Variants in UBE3D observed in about 807,000 individuals in gnomAD.
UBE3D encodes E3 ubiquitin-protein ligase E3D.
UBE3D carries 48 observed loss-of-function variants against 49.6 expected under a neutral mutation model. The observed-to-expected ratio is 0.97, with a 90% CI of 0.77 to 1.23. UBE3D has a LOEUF of 1.23. Among genes scored for constraint, UBE3D ranks in the 50% most tolerant of loss-of-function variants. The probability of loss-of-function intolerance (pLI) is 0.00; values close to 1 mark genes in which losing one functional copy is unlikely to be tolerated. For missense variants in UBE3D, 452 were observed against 468.4 expected, an observed-to-expected ratio of 0.96 and a Z score of 0.32; for synonymous variants, 189 against 174.2, an observed-to-expected ratio of 1.08 and a Z score of -0.67.
chr6:83,044,973 T>C (rs1249832559), intron 3 of UBE3D, among the ~76,000 whole-genome samples: 2 of 152,204 alleles, frequency 1.3e-5, no homozygotes, highest in African/African-American at 4.8e-5. Context: ...TGAATAAACA[T>C]ACTATATCTT....
intron 9 of UBE3D, among the ~76,000 whole-genome samples, chr6:82,921,001 G>C (rs1157762983): frequency 6.7e-6 from 1 of 150,320 alleles, no homozygotes; most frequent in Admixed American, 6.6e-5. Context: ...GGATACCCAG[G>C]CTGGAGTGTA....
intron 9 of UBE3D, among the ~76,000 whole-genome samples, chr6:82,956,761 A>G (rs12201727): frequency 0.14 from 20,658 of 152,218 alleles, 1,434 homozygotes; most frequent in South Asian, 0.16. Flanking sequence ...GGAGTTATAC[A>G]GCTGTGAGTT....
chr6:82,958,080 C>T (rs2127775001), intron 8 of UBE3D, among the ~76,000 whole-genome samples: 1 of 152,262 alleles, frequency 6.6e-6, no homozygotes, highest in East Asian at 1.9e-4. Flanking sequence ...CTGCTATATC[C>T]TGCGGAACCT....
Position 83,022,450 on chromosome 6 carries a change from T to G in UBE3D, c.846+3A>C. 6.4e-7 allele frequency: 1 copy of G among 1,557,074 alleles called. No homozygotes were observed. On this transcript the variant is annotated splice_donor_region_variant and intron_variant, in intron 7 of 9. Transcript: ENST00000369747. ...CAAAAAGCTGGATAAAATAATTTCT[T>G]ACCAAGATATACACTTTGTCATCCT...
At chr6:83,042,834 A>G (rs1440293429) in intron 4 of UBE3D, among the ~76,000 whole-genome samples, 1 of 152,250 alleles carries the variant, frequency 6.6e-6, no homozygotes, top group Non-Finnish European at 1.5e-5. Context: ...TAGGTTTTCA[A>G]TAGCACAGAA....
At chr6:82,978,263 T>A (rs1325296654) in intron 8 of UBE3D, among the ~76,000 whole-genome samples, 1 of 152,122 alleles carries the variant, frequency 6.6e-6, no homozygotes, top group Non-Finnish European at 1.5e-5. Flanking sequence ...ATTATAAGCA[T>A]GGTAGAGCTA....
chr6:82,974,317 A>G (rs1346391425), intron 8 of UBE3D, among the ~76,000 whole-genome samples: 1 of 152,148 alleles, frequency 6.6e-6, no homozygotes, highest in Non-Finnish European at 1.5e-5. Flanking sequence ...GTATGTGTGT[A>G]CAGTGATCCC....
chr6:83,031,804 T>C (rs1255324187), intron 5 of UBE3D, among the ~76,000 whole-genome samples: 1 of 152,202 alleles, frequency 6.6e-6, no homozygotes, highest in Non-Finnish European at 1.5e-5. Flanking sequence ...TGGTGCTCCG[T>C]GTCCCAGCCG....
At chr6:82,953,983 A>G (rs1469396982) in intron 9 of UBE3D, among the ~76,000 whole-genome samples, 3 of 152,202 alleles carry the variant, frequency 2.0e-5, no homozygotes, top group Non-Finnish European at 4.4e-5. Flanking sequence ...CAGCCAGTCC[A>G]CAGATCCTAC....
At chr6:83,027,785 G>C (rs916963291) in intron 5 of UBE3D, among the ~76,000 whole-genome samples, 2 of 152,080 alleles carry the variant, frequency 1.3e-5, no homozygotes, top group Non-Finnish European at 2.9e-5. Flanking sequence ...AATTCACTGG[G>C]TCCCTTGAAT....
At chr6:83,027,815 A>C (rs938603445) in intron 5 of UBE3D, among the ~76,000 whole-genome samples, 2 of 152,198 alleles carry the variant, frequency 1.3e-5, no homozygotes, top group Non-Finnish European at 2.9e-5. Context: ...GCTATTCTTC[A>C]TCACTTTTGT....
At chr6:82,908,009 A>G (rs1040750141) in intron 9 of UBE3D, among the ~76,000 whole-genome samples, 1 of 152,222 alleles carries the variant, frequency 6.6e-6, no homozygotes, top group Admixed American at 6.5e-5. Context: ...CTGCAACAAA[A>G]AAGAATGAAC....
rs1783128064 is a variant in UBE3D at position 83,047,319 on chromosome 6, A to C, written c.366-2660T>G. The stretch of plus-strand genomic sequence containing the variant: ...TGCATCTGAACCAGGAAGAAATATG[A>C]ATGAGCTGTAAATGTCTGATAGGAC... On this transcript the variant is annotated intron_variant, in intron 3 of 9. Transcript: ENST00000369747. 5.3e-5 allele frequency among the ~76,000 whole-genome samples: 8 copies of C among 152,304 alleles called. No homozygotes were observed. In the South Asian group the frequency reaches 1.4e-3, roughly 28 times the overall value.
At chr6:82,941,007 G>A (rs1191663348) in intron 9 of UBE3D, among the ~76,000 whole-genome samples, 1 of 152,164 alleles carries the variant, frequency 6.6e-6, no homozygotes, top group Non-Finnish European at 1.5e-5. Flanking sequence ...GAGGTCAGGA[G>A]TTCAAGACGA....
intron 5 of UBE3D, among the ~76,000 whole-genome samples, chr6:83,026,850 C>T (rs189986520): frequency 4.5e-4 from 69 of 152,112 alleles, no homozygotes; most frequent in Admixed American, 4.3e-3. Context: ...CACCACTATG[C>T]CCAGTTAATT....
intron 9 of UBE3D, among the ~76,000 whole-genome samples, chr6:82,919,298 C>T (rs1353819750): frequency 6.6e-6 from 1 of 151,868 alleles, no homozygotes; most frequent in Non-Finnish European, 1.5e-5. Flanking sequence ...TCTTCAGTGG[C>T]TGGCCTTAGA....
chr6:82,893,500 C>T (rs1011053655), intron 9 of UBE3D, among the ~76,000 whole-genome samples: 1 of 152,036 alleles, frequency 6.6e-6, no homozygotes, highest in Non-Finnish European at 1.5e-5. Flanking sequence ...ATCTTAAAAC[C>T]TAGAGTTAAA....
chr6:82,955,720 C>T lies in UBE3D; in HGVS notation c.1149+1592G>A, dbSNP rs137988289. Reference sequence around the variant, plus strand: ...AGATCTAATAACCTGCCTCCACCCACCACTCACACTCACTCCACCCCCAGG... The same window carrying T: ...AGATCTAATAACCTGCCTCCACCCATCACTCACACTCACTCCACCCCCAGG... On this transcript the variant is annotated intron_variant, in intron 9 of 9. Coordinates refer to ENST00000369747, the MANE Select transcript of UBE3D (RefSeq NM_198920.3). Among the ~76,000 whole-genome samples, 442 of 152,302 alleles carry T rather than the reference C, an allele frequency of 2.9e-3. 3 individuals carry two copies. Among genetic ancestry groups the T allele is most frequent in the African/African-American group, 9.5e-3 (396 of 41,560 alleles).
chr6:82,996,584 G>C (rs978726440), intron 8 of UBE3D, among the ~76,000 whole-genome samples: 2 of 152,064 alleles, frequency 1.3e-5, no homozygotes, highest in African/African-American at 4.8e-5. Flanking sequence ...CATGAGAAGG[G>C]AAAAAGAGTA....
Sources: gnomAD v4.1 joint callset for allele counts (sites outside exome capture counted in the v4.1 genomes callset) on GRCh38, gnomAD v4.1.1 for gene constraint, MANE v1.5 for transcripts, NCBI Gene and HGNC (gene_info 2026-07-23, HGNC 2026-07-21) for gene names.